Variants in FBXO45 observed in about 807,000 individuals in gnomAD.
FBXO45 encodes F-box/SPRY domain-containing protein 1.
In FBXO45, 3 loss-of-function variants were observed where a neutral mutation model predicts 25.5. That is an observed-to-expected ratio of 0.12 (90% CI 0.05 to 0.30). The LOEUF (loss-of-function observed/expected upper bound fraction) is 0.30. Ranked by LOEUF, FBXO45 falls within the 10% of genes least tolerant of loss-of-function variation. FBXO45 has a pLI of 1.00. For missense variants in FBXO45, 219 were observed against 365.0 expected (o/e 0.60, Z 3.26); for synonymous variants, 155 against 149.8 (o/e 1.03, Z -0.25).
chr3:196,577,850 A>G, intron 2 of FBXO45, 41 bp downstream of exon 2: 1 of 1,272,828 alleles, frequency 7.9e-7, no homozygotes, highest in South Asian at 2.1e-5. Context: ...GCCTTTGTCA[A>G]ATCACGCCTT....
chr3:196,571,665 G>A (rs906019840), intron 1 of FBXO45, among the ~76,000 whole-genome samples: 3 of 152,172 alleles, frequency 2.0e-5, no homozygotes, highest in African/African-American at 7.2e-5. Flanking sequence ...CAAGCAAAAT[G>A]TTTTCCTTTC....
At chr3:196,573,370 T>C (rs528010529) in intron 1 of FBXO45, among the ~76,000 whole-genome samples, 3 of 152,336 alleles carry the variant, frequency 2.0e-5, no homozygotes, top group East Asian at 3.9e-4. Context: ...CTTTGAAATA[T>C]AGCCTTCAGT....
Position 196,569,074 on chromosome 3 carries a change from TGGGGCCGCG to T in FBXO45, c.98_106del (p.Ala33_Ala35del), listed in dbSNP as rs1193105150. On this transcript the variant is annotated inframe_deletion, in exon 1 of 3. Transcript: ENST00000311630. This position sits in a 1 kb window ranked among gnomAD's most constrained non-coding sequence, Gnocchi z 4.1. ...CGGGCGCGGGCGCGGGCTCGGGCTC[TGGGGCCGCG>T]GGGGCCGGGGGCCGGCTGCCCAGCC... 6 of 1,410,672 alleles carry T rather than the reference TGGGGCCGCG, an allele frequency of 4.3e-6. No individual in the cohort carries two copies. Among genetic ancestry groups the T allele is most frequent in the Non-Finnish European group, 5.6e-6 (6 of 1,065,588 alleles). 87.4% of individuals were successfully genotyped at this position (1,410,672 alleles called of 1,614,324 possible). A position where few individuals can be genotyped will look rare whatever the true frequency, so the allele number is the denominator to read the frequency against.
At position 196,568,759 on chromosome 3, in the gene FBXO45, A is replaced by T; in HGVS notation, c.-226A>T. On this transcript the variant is annotated 5_prime_UTR_variant, in exon 1 of 3. Transcript: ENST00000311630. ...TTTCGGCGCCCGCGCTGAGCCGCGG[A>T]GGAGGGGCGGAGGACGCCCCTGCAG... is the stretch of plus-strand genomic sequence containing the variant. The T allele has an allele frequency of 6.1e-6, 1 of 164,666 alleles. No homozygotes were observed. The highest frequency in any genetic ancestry group is 1.3e-5 in the Non-Finnish European group (1 of 79,660). 10.2% of individuals were successfully genotyped at this position (164,666 alleles called of 1,614,324 possible). A position where few individuals can be genotyped will look rare whatever the true frequency, so the allele number is the denominator to read the frequency against.
intron 1 of FBXO45, among the ~76,000 whole-genome samples, chr3:196,573,531 T>G (rs542244160): frequency 6.6e-6 from 1 of 152,162 alleles, no homozygotes; most frequent in African/African-American, 2.4e-5. Flanking sequence ...CTGGAACAGG[T>G]ACATCGAGGA....
Position 196,569,286 on chromosome 3 carries a change from C to G in FBXO45, c.302C>G (p.Pro101Arg). 1 of 1,570,784 alleles carries G rather than the reference C, an allele frequency of 6.4e-7. No individual in the cohort carries two copies. Among genetic ancestry groups the G allele is most frequent in the Non-Finnish European group, 8.6e-7 (1 of 1,156,266 alleles). The change falls in exon 1 of 3, where the codon CCC (proline) becomes CGC (arginine). Residue 101 changes from proline to arginine, a missense_variant. By Grantham distance (103) the Pro-to-Arg change is moderately radical. This residue lies in a region of FBXO45 where 138 missense variants were observed against 157.3 expected (regional missense o/e 0.88). Transcript: ENST00000311630. The surrounding 1 kb of genome is among the most constrained non-coding windows in gnomAD (Gnocchi z 4.1). The part of the protein sequence containing the change: ...ALRTDILCNL[P>R]SYKAKIRAFQ... Reference sequence around the variant, plus strand: ...CGCACGGACATCCTGTGCAACCTGCCCAGCTACAAGGCCAAGGTGAGAGAG... The same window carrying G: ...CGCACGGACATCCTGTGCAACCTGCGCAGCTACAAGGCCAAGGTGAGAGAG...
Position 196,585,383 on chromosome 3 carries a change from G to A in FBXO45, c.*1065G>A, listed in dbSNP as rs1465339867. ...TTTATTTTGTAACCTTATAAATGCT[G>A]TAGATATTATCAAAAAAATTTTAAT... On this transcript the variant is annotated 3_prime_UTR_variant, in exon 3 of 3. Coordinates refer to ENST00000311630, the MANE Select transcript of FBXO45 (RefSeq NM_001105573.2). The A allele has an allele frequency of 1.3e-5, 2 of 152,116 alleles. No homozygotes were observed. The highest frequency in any genetic ancestry group is 1.9e-4 in the East Asian group (1 of 5,198). 9.4% of individuals were successfully genotyped at this position (152,116 alleles called of 1,614,324 possible).
chr3:196,580,283 G>T (rs564610665), intron 2 of FBXO45, among the ~76,000 whole-genome samples: 2 of 148,596 alleles, frequency 1.3e-5, no homozygotes, highest in Non-Finnish European at 3.0e-5. Context: ...TCAGCTCACC[G>T]CAACCTCTGC....
rs1455123798 is a variant in FBXO45 at position 196,587,482 on chromosome 3, T to G, written c.*3164T>G. The G allele has an allele frequency of 1.3e-5, 2 of 152,228 alleles. No individual in the cohort carries two copies. Among genetic ancestry groups the G allele is most frequent in the Non-Finnish European group, 2.9e-5 (2 of 68,044 alleles). 9.4% of individuals were successfully genotyped at this position (152,228 alleles called of 1,614,324 possible). ...ATTAGGCATTTTCTGCCTTTTAGAA[T>G]TATTTGACTGGAGAAAGAGTTTCAA... On this transcript the variant is annotated 3_prime_UTR_variant, in exon 3 of 3. Coordinates refer to ENST00000311630, the MANE Select transcript of FBXO45 (RefSeq NM_001105573.2).
chr3:196,578,106 A>G lies in FBXO45; in HGVS notation c.675+297A>G, dbSNP rs1371145376. ...CCCAGGCTAGAGTGCAGTGGCGCCAACTCGGCTCACTGCAACCTGCACCTC... is the reference window on the plus strand; with the variant it reads ...CCCAGGCTAGAGTGCAGTGGCGCCAGCTCGGCTCACTGCAACCTGCACCTC... On this transcript the variant is annotated intron_variant, in intron 2 of 2. Coordinates refer to ENST00000311630, the MANE Select transcript of FBXO45 (RefSeq NM_001105573.2). Among the ~76,000 whole-genome samples, 4 of 139,628 alleles carry G rather than the reference A, an allele frequency of 2.9e-5. No individual in the cohort carries two copies. The East Asian group carries it at 8.9e-4, about 31-fold the overall frequency. 91.6% of individuals were successfully genotyped at this position (139,628 alleles called of 152,430 possible).
chr3:196,581,649 A>G (rs1180220953), intron 2 of FBXO45, among the ~76,000 whole-genome samples: 2 of 152,112 alleles, frequency 1.3e-5, no homozygotes, highest in African/African-American at 4.8e-5. Flanking sequence ...GTCTTTACCA[A>G]ATCCAACACT....
intron 2 of FBXO45, among the ~76,000 whole-genome samples, chr3:196,583,764 A>G (rs912322109): frequency 7.2e-5 from 11 of 152,164 alleles, no homozygotes; most frequent in Non-Finnish European, 1.5e-4. Flanking sequence ...TGTGTTACCT[A>G]GGCTGGAGTG....
intron 2 of FBXO45, among the ~76,000 whole-genome samples, chr3:196,580,038 C>A (rs1735981199): frequency 6.6e-6 from 1 of 151,970 alleles, no homozygotes; most frequent in Non-Finnish European, 1.5e-5. Context: ...GTTGCCCAGG[C>A]TGGAAGTGCA....
At chr3:196,570,774 G>C (rs1169615913) in intron 1 of FBXO45, among the ~76,000 whole-genome samples, 5 of 142,604 alleles carry the variant, frequency 3.5e-5, no homozygotes, top group Admixed American at 7.1e-5. Context: ...TGCAGTGGCG[G>C]GATCTCAGCT....
At position 196,584,079 on chromosome 3, in the gene FBXO45, T is replaced by G; in HGVS notation, c.676-54T>G. ...AACTTCTTGATTTGTGTCTTGTTTC[T>G]TCTAGCTACACCCTTGGCAGATTTT... is the stretch of plus-strand genomic sequence containing the variant. On this transcript the variant is annotated intron_variant, in intron 2 of 2. Coordinates refer to ENST00000311630, the MANE Select transcript of FBXO45 (RefSeq NM_001105573.2). The surrounding 1 kb of genome is among the most constrained non-coding windows in gnomAD (Gnocchi z 4.3). 9 of 1,528,056 alleles carry G rather than the reference T, an allele frequency of 5.9e-6. No homozygotes were observed. The highest frequency in any genetic ancestry group is 8.0e-6 in the Non-Finnish European group (9 of 1,120,742). The allele number at this position is 1,528,056 out of a possible 1,614,324, so 94.7% of individuals were successfully genotyped here.
At chr3:196,580,080 C>T (rs148197471) in intron 2 of FBXO45, among the ~76,000 whole-genome samples, 112 of 152,270 alleles carry the variant, frequency 7.4e-4, no homozygotes, top group Middle Eastern at 3.4e-3. Context: ...GCAACCTCCA[C>T]CTCCCAGGTT....
chr3:196,581,740 T>C (rs1255570410), intron 2 of FBXO45, among the ~76,000 whole-genome samples: 1 of 152,192 alleles, frequency 6.6e-6, no homozygotes, highest in Non-Finnish European at 1.5e-5. Flanking sequence ...TTTTCATATC[T>C]AGTAATTTTT....
Position 196,569,307 on chromosome 3 carries a change from G to A in FBXO45, c.318+5G>A. 6.5e-7 allele frequency: 1 copy of A among 1,542,838 alleles called. No individual in the cohort carries two copies. The highest frequency in any genetic ancestry group is 8.8e-7 in the Non-Finnish European group (1 of 1,138,060). ...CTGCCCAGCTACAAGGCCAAGGTGA[G>A]AGAGCCCCGGGCCACACCGCTGCCC... is the stretch of plus-strand genomic sequence containing the variant. On this transcript the variant is annotated splice_donor_5th_base_variant and intron_variant, in intron 1 of 2. Transcript: ENST00000311630. The surrounding 1 kb of genome is among the most constrained non-coding windows in gnomAD (Gnocchi z 4.1).
rs1180090432 is a variant in FBXO45 at position 196,577,586 on chromosome 3, G to A, written c.452G>A (p.Ser151Asn). The part of the protein sequence containing the change: ...TDGARTKIGF[S>N]EGRHAWEVWW... Reference sequence around the variant, plus strand: ...GGTGCAAGGACCAAGATTGGTTTCAGTGAGGGCCGCCATGCATGGGAAGTG... The same window carrying A: ...GGTGCAAGGACCAAGATTGGTTTCAATGAGGGCCGCCATGCATGGGAAGTG... Residue 151 changes from serine (S) to asparagine (N), a missense_variant, in exon 2 of 3, where the codon AGT (serine) becomes AAT (asparagine). Coordinates refer to ENST00000311630, the MANE Select transcript of FBXO45 (RefSeq NM_001105573.2). The A allele has an allele frequency of 3.7e-6, 6 of 1,613,900 alleles. No homozygotes were observed. Among genetic ancestry groups the A allele is most frequent in the Non-Finnish European group, 5.1e-6 (6 of 1,179,894 alleles).
Sources: gnomAD v4.1 joint callset for allele counts (sites outside exome capture counted in the v4.1 genomes callset) on GRCh38, gnomAD v4.1.1 for gene constraint, gnomAD v4.1.1 regional missense constraint, Gnocchi (gnomAD v3.1) non-coding constraint, MANE v1.5 for transcripts, NCBI Gene and HGNC (gene_info 2026-07-23, HGNC 2026-07-21) for gene names.